Variants in THRB observed in about 807,000 individuals in gnomAD.
The protein encoded by THRB is thyroid hormone receptor beta, also known as nuclear receptor subfamily 1 group A member 2.
In THRB, 12 loss-of-function variants were observed where a neutral mutation model predicts 47.8. That is an observed-to-expected ratio of 0.25 (90% CI 0.16 to 0.41). The LOEUF (loss-of-function observed/expected upper bound fraction) is 0.41. Among genes scored for constraint, THRB ranks in the 10% least tolerant of loss-of-function variants. The pLI is 1.00. For missense variants in THRB, 348 were observed against 589.2 expected, an observed-to-expected ratio of 0.59 and a Z score of 4.24; for synonymous variants, 218 against 212.2, an observed-to-expected ratio of 1.03 and a Z score of -0.24.
At chr3:24,345,668 T>C (rs2062966090) in intron 1 of THRB, among the ~76,000 whole-genome samples, 1 of 152,090 alleles carries the variant, frequency 6.6e-6, no homozygotes, top group Admixed American at 6.6e-5. Flanking sequence ...GTTGTTTTTA[T>C]TATTATGCTG....
At chr3:24,154,561 T>C (rs761974348) in intron 5 of THRB, among the ~76,000 whole-genome samples, 7 of 152,228 alleles carry the variant, frequency 4.6e-5, no homozygotes, top group Non-Finnish European at 8.8e-5. Flanking sequence ...CACAATGAGA[T>C]ACCACTTTAC....
intron 1 of THRB, among the ~76,000 whole-genome samples, chr3:24,480,051 A>G (rs958317479): frequency 2.6e-5 from 4 of 152,222 alleles, no homozygotes; most frequent in Non-Finnish European, 5.9e-5. Context: ...ACTAAGCTCC[A>G]GGTGCCCACA....
At chr3:24,412,948 T>C (rs2068432819) in intron 1 of THRB, among the ~76,000 whole-genome samples, 1 of 151,792 alleles carries the variant, frequency 6.6e-6, no homozygotes, top group Admixed American at 6.6e-5. Context: ...GAAATACAAA[T>C]TTAAATAATA....
At chr3:24,258,424 C>T (rs868577851) in intron 3 of THRB, among the ~76,000 whole-genome samples, 3 of 152,170 alleles carry the variant, frequency 2.0e-5, no homozygotes, top group Admixed American at 6.5e-5. Flanking sequence ...TTTCTCCCAA[C>T]CCACAGTCCA....
chr3:24,235,299 G>A (rs532528601), intron 3 of THRB, among the ~76,000 whole-genome samples: 2 of 152,150 alleles, frequency 1.3e-5, no homozygotes, highest in Non-Finnish European at 2.9e-5. Flanking sequence ...TCTCTGTATC[G>A]AAACTACAGC....
At chr3:24,175,559 AT>A (rs1317782169) in intron 5 of THRB, among the ~76,000 whole-genome samples, 1 of 152,222 alleles carries the variant, frequency 6.6e-6, no homozygotes, top group Non-Finnish European at 1.5e-5. Flanking sequence ...AAAGTGAAAA[AT>A]TTGAAATATA....
intron 1 of THRB, among the ~76,000 whole-genome samples, chr3:24,433,696 A>G (rs962341996): frequency 1.2e-4 from 19 of 152,164 alleles, no homozygotes; most frequent in Admixed American, 3.9e-4. Flanking sequence ...GATCAAATGA[A>G]ATAAACCAGT....
chr3:24,339,676 G>C (rs1036812943), intron 1 of THRB, among the ~76,000 whole-genome samples: 1 of 151,942 alleles, frequency 6.6e-6, no homozygotes, highest in African/African-American at 2.4e-5. Context: ...TAGACAAATT[G>C]AAAGTGATTT....
intron 4 of THRB, among the ~76,000 whole-genome samples, chr3:24,204,241 C>T (rs7636652): frequency 1.2e-3 from 183 of 152,370 alleles, no homozygotes; most frequent in African/African-American, 4.1e-3. Context: ...AGCCTTACTG[C>T]GAGGCACCCC....
intron 3 of THRB, among the ~76,000 whole-genome samples, chr3:24,283,684 C>A (rs1409229491): frequency 6.8e-6 from 1 of 147,990 alleles, no homozygotes; most frequent in African/African-American, 2.5e-5. Context: ...TCTAGAAAAC[C>A]CCATTGTCTC....
rs761867806 is a variant in THRB, at chr3:24,146,749, A to G, written c.458T>C (p.Ile153Thr). The G allele has an allele frequency of 6.2e-7, 1 of 1,614,122 alleles. No individual in the cohort carries two copies. The highest frequency in any genetic ancestry group is 8.5e-7 in the Non-Finnish European group (1 of 1,179,940). ...GCACTGATTTCGCGTGACTTTGTCT[A>G]TGACACATTTTCCTTCATATTTACA... ...YSCKYEGKCV[I>T]DKVTRNQCQE... Residue 153 changes from isoleucine to threonine, a missense_variant, in exon 7 of 11, where the codon ATA (isoleucine) becomes ACA (threonine). Physicochemically the swap from Ile to Thr is moderately conservative, Grantham distance 89. Transcript: ENST00000646209.
chr3:24,256,526 A>C (rs2051301550), intron 3 of THRB, among the ~76,000 whole-genome samples: 2 of 152,132 alleles, frequency 1.3e-5, no homozygotes, highest in African/African-American at 4.8e-5. Flanking sequence ...TATATTAATA[A>C]TAATAATGAT....
chr3:24,300,745 T>C (rs1274727687), intron 2 of THRB, among the ~76,000 whole-genome samples: 2 of 152,206 alleles, frequency 1.3e-5, no homozygotes, highest in East Asian at 1.9e-4. Flanking sequence ...CTGTAATACA[T>C]ATATTTGGTA....
At chr3:24,457,014 T>C (rs2073234500) in intron 1 of THRB, among the ~76,000 whole-genome samples, 1 of 152,170 alleles carries the variant, frequency 6.6e-6, no homozygotes, top group Non-Finnish European at 1.5e-5. Context: ...GTGTTCCTAA[T>C]TAAGCTTTAT....
intron 4 of THRB, among the ~76,000 whole-genome samples, chr3:24,199,908 G>A (rs1171018356): frequency 6.6e-6 from 1 of 152,186 alleles, no homozygotes; most frequent in Non-Finnish European, 1.5e-5. Context: ...ATAGGAACAA[G>A]CTGACTGCTG....
intron 9 of THRB, among the ~76,000 whole-genome samples, chr3:24,132,822 A>G (rs773679706): frequency 1.3e-5 from 2 of 152,250 alleles, no homozygotes; most frequent in Non-Finnish European, 2.9e-5. Context: ...AAACGACCAC[A>G]CAGTCATCTC....
intron 3 of THRB, among the ~76,000 whole-genome samples, chr3:24,270,965 C>G (rs543797824): frequency 1.2e-3 from 184 of 152,310 alleles, no homozygotes; most frequent in African/African-American, 3.3e-3. Context: ...GGCTCCCCCC[C>G]TTTCCAAAAT....
intron 3 of THRB, among the ~76,000 whole-genome samples, chr3:24,272,279 G>T (rs2053419340): frequency 6.6e-6 from 1 of 152,042 alleles, no homozygotes; most frequent in African/African-American, 2.4e-5. Context: ...CCAGGAGGTT[G>T]AGGCAACAGT....
intron 2 of THRB, among the ~76,000 whole-genome samples, chr3:24,316,240 C>G (rs905924228): frequency 6.6e-6 from 1 of 152,244 alleles, no homozygotes; most frequent in South Asian, 2.1e-4. Flanking sequence ...TGGTCAACCA[C>G]CAAAACAAAA....
Sources: allele counts gnomAD v4.1 joint callset (sites outside exome capture counted in the v4.1 genomes callset), GRCh38; gene constraint gnomAD v4.1.1; transcripts MANE v1.5; gene names NCBI Gene and HGNC (gene_info 2026-07-23, HGNC 2026-07-21).